The following ZNF679 variants were observed in gnomAD, a reference collection of about 807,000 sequenced individuals.
The protein encoded by ZNF679 is hypothetical protein MGC42415.
A neutral mutation model predicts 13.4 loss-of-function variants in ZNF679; 10 were observed. The ratio of observed to expected loss-of-function variants is 0.75; its 90% confidence interval spans 0.46 to 1.27. The LOEUF is 1.27. Ranked by LOEUF, ZNF679 falls within the 50% of genes most tolerant of loss-of-function variation. The probability of loss-of-function intolerance (pLI) is 0.00; values close to 1 mark genes in which losing one functional copy is unlikely to be tolerated. For missense variants in ZNF679, 525 were observed against 477.8 expected (o/e 1.10, Z -0.92); for synonymous variants, 179 against 162.5 (o/e 1.10, Z -0.77).
At position 64,249,148 on chromosome 7, in the gene ZNF679, C is replaced by A. The variant is rs191648017; in HGVS notation, c.31C>A (p.Arg11=). The change falls in exon 2 of 5, where the codon CGA becomes AGA. Residue 11 remains arginine, a synonymous_variant. Coordinates refer to ENST00000421025, the MANE Select transcript of ZNF679 (RefSeq NM_153363.3). The part of the protein sequence containing the change: MAKRPGSPGS[R]EMGLLTFRDV... The stretch of plus-strand genomic sequence containing the variant: ...TAAAAGACCGGGATCCCCTGGAAGC[C>A]GAGAAATGGTGAGTGCTGGGTCTGT... The A allele has an allele frequency of 4.4e-4, 703 of 1,614,026 alleles. 1 individual carries two copies. In the African/African-American group the frequency reaches 7.9e-3, roughly 18 times the overall value.
chr7:64,265,792 G>A, intron 4 of ZNF679, 104 bp from the exon 5 acceptor site: 1 of 1,300,824 alleles, frequency 7.7e-7, no homozygotes. Flanking sequence ...AATTTGATAT[G>A]CCATTTTGCT....
chr7:64,250,265 G>GTTTT lies in ZNF679; in HGVS notation c.39+1128_39+1131dup, dbSNP rs11434714. The stretch of plus-strand genomic sequence containing the variant: ...TCTACAGGAAACTGGCTTTCCCTTG[G>GTTTT]TTTTTTTTTTTTTTTTTTTTTTGAG... On this transcript the variant is annotated intron_variant, in intron 2 of 4. Coordinates refer to ENST00000421025, the MANE Select transcript of ZNF679 (RefSeq NM_153363.3). Among the ~76,000 whole-genome samples, 112 of 91,274 alleles carry GTTTT rather than the reference G, an allele frequency of 1.2e-3. 1 individual carries two copies. The highest frequency in any genetic ancestry group is 1.4e-3 in the Non-Finnish European group (72 of 50,788). The allele number at this position is 91,274 out of a possible 152,430, so 59.9% of individuals were successfully genotyped here. A position where few individuals can be genotyped will look rare whatever the true frequency, so the allele number is the denominator to read the frequency against.
chr7:64,229,628 T>G (rs929067923), intron 1 of ZNF679, among the ~76,000 whole-genome samples: 1 of 152,186 alleles, frequency 6.6e-6, no homozygotes, highest in Non-Finnish European at 1.5e-5. Context: ...ATAAAACTCA[T>G]GGACTTTATA....
chr7:64,239,495 C>T (rs1304460142), intron 1 of ZNF679, among the ~76,000 whole-genome samples: 1 of 152,138 alleles, frequency 6.6e-6, no homozygotes, highest in East Asian at 1.9e-4. Flanking sequence ...ATTTGCTAGT[C>T]CTTCTGGTCT....
intron 2 of ZNF679, 72 bp from the exon 3 acceptor site, chr7:64,260,149 C>A (rs1788055636): frequency 1.5e-6 from 2 of 1,375,718 alleles, no homozygotes; most frequent in Admixed American, 2.3e-5. Flanking sequence ...AAATAAAAAT[C>A]TCTGCCTACG....
chr7:64,237,021 G>C lies in ZNF679; in HGVS notation c.-91+8369G>C, dbSNP rs545455900. 4.4e-4 allele frequency among the ~76,000 whole-genome samples: 65 copies of C among 147,000 alleles called. 1 individual carries two copies. The East Asian group carries it at 7.9e-3, about 18-fold the overall frequency. ...AAAGAAAAAGAAAGAAAGAAAGAAA[G>C]AAACCTATGGGTAGGGAACAGTACA... On this transcript the variant is annotated intron_variant, in intron 1 of 4. Transcript: ENST00000421025.
intron 1 of ZNF679, among the ~76,000 whole-genome samples, chr7:64,237,001 A>AAGAAAGAG (rs149813028): frequency 5.1e-5 from 4 of 77,844 alleles, no homozygotes; most frequent in African/African-American, 2.5e-4. Flanking sequence ...GAAAGAAAGA[A>AAGAAAGAG]AAAGAAAGAA....
At chr7:64,253,440 C>A (rs1417585364) in intron 2 of ZNF679, among the ~76,000 whole-genome samples, 1 of 152,088 alleles carries the variant, frequency 6.6e-6, no homozygotes, top group Non-Finnish European at 1.5e-5. Context: ...AAGGAAGAAG[C>A]CTTTATACTG....
chr7:64,244,919 A>G (rs767432416), intron 1 of ZNF679, among the ~76,000 whole-genome samples: 3 of 152,264 alleles, frequency 2.0e-5, no homozygotes, highest in African/African-American at 4.8e-5. Context: ...GGTAGAAACC[A>G]AGAGAAAATA....
intron 4 of ZNF679, among the ~76,000 whole-genome samples, chr7:64,264,423 T>G (rs1788117743): frequency 6.6e-6 from 1 of 152,108 alleles, no homozygotes; most frequent in Admixed American, 6.6e-5. Context: ...ATCACAATAA[T>G]ACCACAGATT....
intron 1 of ZNF679, among the ~76,000 whole-genome samples, chr7:64,236,905 A>AG (rs1787722068): frequency 1.4e-5 from 2 of 145,620 alleles, no homozygotes; most frequent in Non-Finnish European, 3.0e-5. Flanking sequence ...AGAAAAAGAA[A>AG]AAAAGAAAGA....
At chr7:64,260,682 A>G (rs547579979) in intron 3 of ZNF679, among the ~76,000 whole-genome samples, 152 bp from the exon 4 acceptor site, 1 of 152,344 alleles carries the variant, frequency 6.6e-6, no homozygotes, top group South Asian at 2.1e-4. Context: ...CTACAAATTT[A>G]AAATATTTTC....
rs759819943 is a variant in ZNF679, at chr7:64,266,241, A to G, written c.608A>G (p.Gln203Arg). 31 of 1,581,656 alleles carry G rather than the reference A, an allele frequency of 2.0e-5. No homozygotes were observed. Among genetic ancestry groups the G allele is most frequent in the Admixed American group, 5.6e-5 (3 of 53,990 alleles). The part of the protein sequence containing the change: ...FCMVSQLHQH[Q>R]IIHTRENSYQ... ...ATGGTTTCACAACTACATCAACATC[A>G]GATAATTCATACTAGGGAGAATTCC... The change falls in exon 5 of 5, where the codon CAG (glutamine) becomes CGG (arginine). Residue 203 changes from glutamine to arginine, a missense_variant. Coordinates refer to ENST00000421025, the MANE Select transcript of ZNF679 (RefSeq NM_153363.3).
At position 64,228,603 on chromosome 7, in the gene ZNF679, T is replaced by C. The variant is rs1437014078; in HGVS notation, c.-140T>C. The C allele has an allele frequency of 2.0e-5, 3 of 152,202 alleles. No homozygotes were observed. Among genetic ancestry groups the C allele is most frequent in the African/African-American group, 7.2e-5 (3 of 41,446 alleles). The allele number at this position is 152,202 out of a possible 1,614,324, so 9.4% of individuals were successfully genotyped here. A position where few individuals can be genotyped will look rare whatever the true frequency, so the allele number is the denominator to read the frequency against. On this transcript the variant is annotated 5_prime_UTR_variant, in exon 1 of 5. Coordinates refer to ENST00000421025, the MANE Select transcript of ZNF679 (RefSeq NM_153363.3). ...CTGCGGGAAGGACCAGGAATAAATT[T>C]CACAATTCTACGTATTTCCCAGCTT...
Position 64,266,873 on chromosome 7 carries a change from G to A in ZNF679, c.*4G>A, listed in dbSNP as rs1330396025. ...GAAACCCTACAAATGTGAATAATGTGATAAAGTCCAGCCTTCAGACCTTAT... is the reference window on the plus strand; with the variant it reads ...GAAACCCTACAAATGTGAATAATGTAATAAAGTCCAGCCTTCAGACCTTAT... On this transcript the variant is annotated 3_prime_UTR_variant, in exon 5 of 5. Coordinates refer to ENST00000421025, the MANE Select transcript of ZNF679 (RefSeq NM_153363.3). 1 of 1,554,132 alleles carries A rather than the reference G, an allele frequency of 6.4e-7. No homozygotes were observed. Among genetic ancestry groups the A allele is most frequent in the South Asian group, 1.2e-5 (1 of 84,246 alleles).
chr7:64,248,765 T>C (rs1787901992), intron 1 of ZNF679, among the ~76,000 whole-genome samples: 1 of 152,196 alleles, frequency 6.6e-6, no homozygotes, highest in South Asian at 2.1e-4. Context: ...TACACAAGGT[T>C]AAATGCAAAT....
At chr7:64,235,788 A>G (rs1787701760) in intron 1 of ZNF679, among the ~76,000 whole-genome samples, 1 of 18,564 alleles carries the variant, frequency 5.4e-5, no homozygotes, top group African/African-American at 3.6e-4. Flanking sequence ...AAACCCCGTC[A>G]AGAAAGAAAG....
chr7:64,243,051 TAA>T (rs2116520082), intron 1 of ZNF679, among the ~76,000 whole-genome samples: 1 of 152,282 alleles, frequency 6.6e-6, no homozygotes, highest in South Asian at 2.1e-4. Context: ...GGTGTGCCTG[TAA>T]GAGTCACAAT....
intron 1 of ZNF679, among the ~76,000 whole-genome samples, chr7:64,240,631 A>AGT (rs1299699649): frequency 6.6e-6 from 1 of 152,188 alleles, no homozygotes; most frequent in Non-Finnish European, 1.5e-5. Flanking sequence ...TAAATCTCAC[A>AGT]CATAAATGCA....
Sources: gnomAD v4.1 joint callset for allele counts (sites outside exome capture counted in the v4.1 genomes callset) on GRCh38, gnomAD v4.1.1 for gene constraint, MANE v1.5 for transcripts, NCBI Gene and HGNC (gene_info 2026-07-23, HGNC 2026-07-21) for gene names.